MAD1L1: variants seen among roughly 807,000 people sequenced by gnomAD.
MAD1L1 encodes mitotic spindle assembly checkpoint protein MAD1.
Under a neutral mutation model 96.9 loss-of-function variants are expected in MAD1L1, and 95 were observed. The observed-to-expected ratio is 0.98, with a 90% CI of 0.83 to 1.16. The LOEUF (loss-of-function observed/expected upper bound fraction) is 1.16. MAD1L1 is among the 50% of genes most tolerant of loss of function. The probability of loss-of-function intolerance (pLI) is 0.00; values close to 1 mark genes in which losing one functional copy is unlikely to be tolerated. For missense variants in MAD1L1, 1,007 were observed against 954.4 expected, an observed-to-expected ratio of 1.06 and a Z score of -0.73; for synonymous variants, 473 against 396.6, an observed-to-expected ratio of 1.19 and a Z score of -2.29.
At chr7:2,038,403 T>C (rs1278537503) in intron 12 of MAD1L1, among the ~76,000 whole-genome samples, 1 of 151,172 alleles carries the variant, frequency 6.6e-6, no homozygotes, top group Non-Finnish European at 1.5e-5. Context: ...GAAGATGCCG[T>C]CTAGGGCTTT....
chr7:2,219,689 G>T (rs557087729), intron 5 of MAD1L1, among the ~76,000 whole-genome samples: 1 of 139,748 alleles, frequency 7.2e-6, no homozygotes, highest in Non-Finnish European at 1.6e-5. Context: ...AGGGCAGGGG[G>T]AAGAGGAGCA....
chr7:2,215,248 C>T (rs1793201265), intron 9 of MAD1L1, among the ~76,000 whole-genome samples: 1 of 151,916 alleles, frequency 6.6e-6, no homozygotes, highest in African/African-American at 2.4e-5. Context: ...TGTGGTGGCG[C>T]ACGCCTGTAG....
At chr7:1,840,144 C>T (rs1783170657) in intron 18 of MAD1L1, among the ~76,000 whole-genome samples, 1 of 152,220 alleles carries the variant, frequency 6.6e-6, no homozygotes, top group East Asian at 1.9e-4. Flanking sequence ...AGGTCTGACA[C>T]TCTCTTTCCC....
chr7:1,918,589 C>A (rs185241055), intron 17 of MAD1L1, among the ~76,000 whole-genome samples: 2 of 152,212 alleles, frequency 1.3e-5, no homozygotes, highest in African/African-American at 4.8e-5. Flanking sequence ...CTTCCTCTAC[C>A]CCGCTCACCT....
intron 9 of MAD1L1, 64 bp downstream of exon 9, chr7:2,215,821 A>G (rs1178643176): frequency 2.0e-5 from 30 of 1,470,628 alleles, no homozygotes; most frequent in Non-Finnish European, 2.9e-5. Flanking sequence ...TGACCACAAT[A>G]CCGAGGCTCC....
chr7:2,113,660 C>G (rs958586919), intron 11 of MAD1L1, among the ~76,000 whole-genome samples: 1 of 152,206 alleles, frequency 6.6e-6, no homozygotes, highest in Non-Finnish European at 1.5e-5. Flanking sequence ...AGAACAAAAG[C>G]CGCAGCCATG....
intron 18 of MAD1L1, among the ~76,000 whole-genome samples, chr7:1,861,832 C>G (rs1328072999): frequency 5.1e-4 from 33 of 64,566 alleles, no homozygotes; most frequent in Non-Finnish European, 7.8e-4. Context: ...TGGAGGGACA[C>G]TGCTCCGCCT....
chr7:2,060,283 G>A (rs192278644), intron 12 of MAD1L1, among the ~76,000 whole-genome samples: 3 of 92,864 alleles, frequency 3.2e-5, no homozygotes, highest in East Asian at 2.8e-4. Context: ...GCCGAGATAC[G>A]CCGATCCCGA....
At chr7:1,961,914 C>CCCCCA (rs1779968093) in intron 15 of MAD1L1, among the ~76,000 whole-genome samples, 1 of 148,444 alleles carries the variant, frequency 6.7e-6, no homozygotes, top group African/African-American at 2.5e-5. Context: ...AGGGCGGTTT[C>CCCCCA]CCCCATACCA....
At chr7:2,123,422 T>G (rs1398293834) in intron 11 of MAD1L1, among the ~76,000 whole-genome samples, 2 of 150,858 alleles carry the variant, frequency 1.3e-5, no homozygotes, top group Non-Finnish European at 2.9e-5. Flanking sequence ...TGGGCTGGGG[T>G]GCAGGACGGA....
chr7:2,208,469 G>T (rs1258276162), intron 10 of MAD1L1, among the ~76,000 whole-genome samples: 2 of 152,146 alleles, frequency 1.3e-5, no homozygotes, highest in Admixed American at 1.3e-4. Flanking sequence ...CAGACACCCT[G>T]CCTGGTCTCC....
At chr7:1,909,573 T>A (rs950324742) in intron 17 of MAD1L1, among the ~76,000 whole-genome samples, 37 of 152,120 alleles carry the variant, frequency 2.4e-4, no homozygotes, top group African/African-American at 8.2e-4. Context: ...CCCCCCGGGA[T>A]GTCACCCGTG....
chr7:1,948,168 G>A (rs7789967), intron 16 of MAD1L1, among the ~76,000 whole-genome samples: 130,930 of 152,136 alleles, frequency 0.86, 57,665 homozygotes, highest in Non-Finnish European at 0.96. Context: ...GTCACAGGGC[G>A]GAGCCCCTGG....
chr7:2,023,004 G>T (rs1336160794), intron 12 of MAD1L1, among the ~76,000 whole-genome samples: 4 of 152,194 alleles, frequency 2.6e-5, no homozygotes. Flanking sequence ...CCCTTAACAT[G>T]CATCTACTTA....
chr7:1,822,571 G>C (rs920063655), intron 18 of MAD1L1, among the ~76,000 whole-genome samples: 1 of 151,496 alleles, frequency 6.6e-6, no homozygotes, highest in African/African-American at 2.4e-5. Flanking sequence ...GTAACTACAG[G>C]TGCGCACCAC....
intron 11 of MAD1L1, among the ~76,000 whole-genome samples, chr7:2,112,591 G>A (rs142994800): frequency 0.029 from 4,391 of 152,360 alleles, 79 homozygotes; most frequent in Non-Finnish European, 0.043. Context: ...AAAACATGGT[G>A]TGTGCTGACA....
intron 11 of MAD1L1, among the ~76,000 whole-genome samples, chr7:2,143,853 C>A (rs935073666): frequency 3.9e-5 from 6 of 152,192 alleles, no homozygotes; most frequent in Non-Finnish European, 5.9e-5. Flanking sequence ...GAGGCCAGGG[C>A]AGACCCCAAC....
chr7:1,950,339 C>A (rs565382591), intron 16 of MAD1L1, among the ~76,000 whole-genome samples: 2 of 152,214 alleles, frequency 1.3e-5, no homozygotes, highest in African/African-American at 2.4e-5. Context: ...GTGGCTCTGC[C>A]GCCCTCCTGC....
At chr7:2,105,351 C>G (rs1264769961) in intron 11 of MAD1L1, among the ~76,000 whole-genome samples, 1 of 149,858 alleles carries the variant, frequency 6.7e-6, no homozygotes, top group African/African-American at 2.5e-5. Flanking sequence ...GAAGGCCACT[C>G]AGGGCAGAAC....
Sources: gnomAD v4.1 joint callset for allele counts (sites outside exome capture counted in the v4.1 genomes callset) on GRCh38, gnomAD v4.1.1 for gene constraint, MANE v1.5 for transcripts, NCBI Gene and HGNC (gene_info 2026-07-23, HGNC 2026-07-21) for gene names.